ANO4: variants seen among roughly 807,000 people sequenced by gnomAD.
The protein encoded by ANO4 is anoctamin 4, also known as anoctamin-4.
In ANO4, 69 loss-of-function variants were observed where a neutral mutation model predicts 141.9. That is an observed-to-expected ratio of 0.49 (90% CI 0.40 to 0.59). The LOEUF is 0.59. Among genes scored for constraint, ANO4 ranks in the 20% least tolerant of loss-of-function variants. The pLI is 0.00. For missense variants in ANO4, 894 were observed against 1,162.2 expected (o/e 0.77, Z 3.36); for synonymous variants, 350 against 394.3 (o/e 0.89, Z 1.33).
intron 1 of ANO4, among the ~76,000 whole-genome samples, chr12:100,858,711 G>A (rs1020828962): frequency 1.3e-4 from 20 of 152,104 alleles, no homozygotes; most frequent in African/African-American, 4.8e-4. Context: ...TTACAGATAT[G>A]AAGTGGCATA....
intron 11 of ANO4, among the ~76,000 whole-genome samples, chr12:101,040,646 G>A (rs2047376366): frequency 6.6e-6 from 1 of 152,158 alleles, no homozygotes; most frequent in Non-Finnish European, 1.5e-5. Flanking sequence ...GGTTACATGT[G>A]CAGAACATGC....
intron 1 of ANO4, among the ~76,000 whole-genome samples, chr12:100,884,508 G>A (rs1325871995): frequency 6.6e-6 from 1 of 152,036 alleles, no homozygotes; most frequent in Non-Finnish European, 1.5e-5. Context: ...GGAGAGGTGG[G>A]GACCTGTATT....
chr12:101,052,307 T>C (rs12316219), intron 14 of ANO4, among the ~76,000 whole-genome samples: 39,683 of 151,998 alleles, frequency 0.26, 7,310 homozygotes, highest in African/African-American at 0.52. Context: ...ACAGTGTGGC[T>C]CATTCCTCAA....
At chr12:100,989,892 G>GTGGACGGA (rs1409934857) in intron 8 of ANO4, among the ~76,000 whole-genome samples, 1 of 134,198 alleles carries the variant, frequency 7.5e-6, no homozygotes, top group Non-Finnish European at 1.6e-5. Flanking sequence ...GGATGGATGG[G>GTGGACGGA]TGGATGGATG....
At chr12:101,027,128 G>A (rs1265590151) in intron 9 of ANO4, among the ~76,000 whole-genome samples, 5 of 152,172 alleles carry the variant, frequency 3.3e-5, no homozygotes, top group African/African-American at 4.8e-5. Flanking sequence ...AGAGCCACAC[G>A]GGGCAGGGGA....
intron 25 of ANO4, among the ~76,000 whole-genome samples, chr12:101,119,048 C>G (rs2050972491): frequency 6.6e-6 from 1 of 152,058 alleles, no homozygotes; most frequent in Non-Finnish European, 1.5e-5. Flanking sequence ...GACATGAACT[C>G]ATCCTTTTTT....
intron 1 of ANO4, among the ~76,000 whole-genome samples, chr12:100,893,240 A>AT (rs546979598): frequency 0.039 from 5,593 of 143,558 alleles, 356 homozygotes; most frequent in African/African-American, 0.13. Context: ...AAGAAGGAGG[A>AT]TTTTTTTTTT....
intron 15 of ANO4, among the ~76,000 whole-genome samples, chr12:101,080,865 G>GATATATATATATATTATATAT (rs1555296490): frequency 4.7e-4 from 51 of 109,362 alleles, no homozygotes; most frequent in Non-Finnish European, 5.9e-4. Context: ...CTAGGTTCTA[G>GATATATATATATATTATATAT]ATATATATAT....
chr12:100,924,917 G>C (rs2041799991), intron 3 of ANO4, among the ~76,000 whole-genome samples: 1 of 152,082 alleles, frequency 6.6e-6, no homozygotes, highest in African/African-American at 2.4e-5. Flanking sequence ...TGTATCTGAT[G>C]TTAACTGTTC....
intron 1 of ANO4, among the ~76,000 whole-genome samples, chr12:100,721,269 G>T (rs1015687334): frequency 1.7e-4 from 26 of 152,150 alleles, no homozygotes; most frequent in African/African-American, 6.3e-4. Context: ...TTAACCCAGG[G>T]TTACTAGAAC....
At chr12:101,032,935 A>T (rs541759081) in intron 9 of ANO4, among the ~76,000 whole-genome samples, 50 of 152,032 alleles carry the variant, frequency 3.3e-4, no homozygotes, top group African/African-American at 1.0e-3. Flanking sequence ...CTAGAACTAG[A>T]AATACCATTT....
intron 1 of ANO4, among the ~76,000 whole-genome samples, chr12:100,813,224 G>T (rs968551336): frequency 6.6e-6 from 1 of 152,152 alleles, no homozygotes; most frequent in Non-Finnish European, 1.5e-5. Flanking sequence ...TCCAGGGGAA[G>T]CATGGGAGAA....
chr12:100,853,651 T>C (rs977138033), intron 1 of ANO4, among the ~76,000 whole-genome samples: 16 of 152,096 alleles, frequency 1.1e-4, no homozygotes, highest in Non-Finnish European at 2.4e-4. Flanking sequence ...TCAGAACCTA[T>C]AAAGTCTTTC....
chr12:100,924,983 G>A (rs2041803676), intron 3 of ANO4, among the ~76,000 whole-genome samples: 1 of 152,086 alleles, frequency 6.6e-6, no homozygotes, highest in Admixed American at 6.6e-5. Context: ...AAATTTATGA[G>A]TACTTAACAG....
intron 1 of ANO4, among the ~76,000 whole-genome samples, chr12:100,882,408 A>G (rs560858389): frequency 6.6e-6 from 1 of 152,174 alleles, no homozygotes; most frequent in Non-Finnish European, 1.5e-5. Context: ...GTTCTATCCT[A>G]TGAGGTAGAT....
At chr12:100,925,474 A>T (rs2041825482) in intron 3 of ANO4, among the ~76,000 whole-genome samples, 1 of 149,870 alleles carries the variant, frequency 6.7e-6, no homozygotes, top group Non-Finnish European at 1.5e-5. Flanking sequence ...GATGGTTTCC[A>T]GTGTCATCCA....
chr12:100,910,528 C>T (rs2041055444), intron 2 of ANO4, among the ~76,000 whole-genome samples: 1 of 152,022 alleles, frequency 6.6e-6, no homozygotes, highest in African/African-American at 2.4e-5. Flanking sequence ...TTTTCTGCTT[C>T]CTTTATGGAC....
At chr12:100,797,161 C>T (rs1178906423) in intron 1 of ANO4, among the ~76,000 whole-genome samples, 4 of 151,172 alleles carry the variant, frequency 2.6e-5, no homozygotes, top group Non-Finnish European at 4.4e-5. Flanking sequence ...CATATACAAG[C>T]GTGTACACAA....
intron 1 of ANO4, among the ~76,000 whole-genome samples, chr12:100,818,854 T>C (rs571749399): frequency 5.3e-5 from 8 of 152,028 alleles, no homozygotes; most frequent in South Asian, 2.1e-4. Flanking sequence ...ACTGCTAAGA[T>C]CCTGCAATAC....
Sources: allele counts gnomAD v4.1 joint callset (sites outside exome capture counted in the v4.1 genomes callset), GRCh38; gene constraint gnomAD v4.1.1; transcripts MANE v1.5; gene names NCBI Gene and HGNC (gene_info 2026-07-23, HGNC 2026-07-21).